The following CREB1 variants were observed in gnomAD, a reference collection of about 807,000 sequenced individuals.
CREB1 encodes cAMP responsive element binding protein 1.
CREB1 carries 2 observed loss-of-function variants against 42.0 expected under a neutral mutation model. The ratio of observed to expected loss-of-function variants is 0.05; its 90% CI spans 0.02 to 0.15. The LOEUF (loss-of-function observed/expected upper bound fraction) is 0.15. Ranked by LOEUF, CREB1 falls within the 10% of genes least tolerant of loss-of-function variation. The pLI, the probability that CREB1 is intolerant of heterozygous loss-of-function variation, is 1.00. For synonymous variants in CREB1, 123 were observed against 139.9 expected, an observed-to-expected ratio of 0.88 and a Z score of 0.85; for missense variants, 199 against 388.9, an observed-to-expected ratio of 0.51 and a Z score of 4.11.
At chr2:207,554,577 A>T (rs913484007) in intron 1 of CREB1, among the ~76,000 whole-genome samples, 1 of 152,142 alleles carries the variant, frequency 6.6e-6, no homozygotes, top group Non-Finnish European at 1.5e-5. Flanking sequence ...CAGTTACCAG[A>T]GATTTCTCTA....
chr2:207,581,899 T>A (rs1443810657), intron 7 of CREB1: 2 of 703,026 alleles, frequency 2.8e-6, no homozygotes, highest in South Asian at 3.0e-5. Flanking sequence ...AGAGTAGTGA[T>A]CTGTTTTCTT....
At chr2:207,594,023 C>G (rs143275729) in intron 7 of CREB1, among the ~76,000 whole-genome samples, 3 of 152,190 alleles carry the variant, frequency 2.0e-5, no homozygotes, top group Non-Finnish European at 4.4e-5. Flanking sequence ...ACCACACCAG[C>G]CCTCACAAAC....
chr2:207,559,411 CT>C (rs1220687079), intron 2 of CREB1, among the ~76,000 whole-genome samples: 1 of 152,152 alleles, frequency 6.6e-6, no homozygotes, highest in Non-Finnish European at 1.5e-5. Context: ...TATTGTGTCT[CT>C]TTTCCCCATT....
At chr2:207,564,435 T>C (rs2709381) in intron 3 of CREB1, among the ~76,000 whole-genome samples, 23,611 of 151,652 alleles carry the variant, frequency 0.16, 2,031 homozygotes, top group Middle Eastern at 0.2. Context: ...CTTGAGCCCA[T>C]GAGTTTGAGG....
chr2:207,572,660 C>CA lies in CREB1; in HGVS notation c.505+2345dup, dbSNP rs577838864. On this transcript the variant is annotated intron_variant, in intron 5 of 7. Coordinates refer to ENST00000353267, the MANE Select transcript of CREB1 (RefSeq NM_004379.5). Reference sequence around the variant, plus strand: ...TGAAAACCCGTCTCTACTAAAAATACAAAAAATTAGCCGAGCGAGGTGGCG... The same window carrying CA: ...TGAAAACCCGTCTCTACTAAAAATACAAAAAAATTAGCCGAGCGAGGTGGCG... 6.0e-3 allele frequency among the ~76,000 whole-genome samples: 919 copies of CA among 151,980 alleles called. 10 individuals carry two copies. The highest frequency in any genetic ancestry group is 0.021 in the African/African-American group (858 of 41,444).
intron 1 of CREB1, among the ~76,000 whole-genome samples, chr2:207,536,010 G>A (rs759104672): frequency 2.1e-4 from 32 of 151,668 alleles, no homozygotes; most frequent in Admixed American, 9.2e-4. Flanking sequence ...ACAGAGTTTC[G>A]CCATGTTGCC....
At chr2:207,537,276 G>A (rs2080913730) in intron 1 of CREB1, among the ~76,000 whole-genome samples, 3 of 151,978 alleles carry the variant, frequency 2.0e-5, no homozygotes, top group Admixed American at 6.6e-5. Flanking sequence ...TTGACCTCGT[G>A]ATCCACCCAC....
At chr2:207,573,015 TG>T (rs2082432030) in intron 5 of CREB1, among the ~76,000 whole-genome samples, 1 of 152,156 alleles carries the variant, frequency 6.6e-6, no homozygotes, top group Non-Finnish European at 1.5e-5. Context: ...AGATAGAAAA[TG>T]TGTATCTGTC....
chr2:207,567,801 T>TG lies in CREB1; in HGVS notation c.362+240dup, dbSNP rs1410217543. On this transcript the variant is annotated intron_variant, in intron 4 of 7. Transcript: ENST00000353267. The stretch of plus-strand genomic sequence containing the variant: ...CTGTTTCTGTTTCTGTAGACTGTGC[T>TG]GGCTGTCTTTCTGTTAAAAGTTTGG... 16 of 289,398 alleles carry TG rather than the reference T, an allele frequency of 5.5e-5. No individual in the cohort carries two copies. The South Asian group carries it at 1.0e-3, about 19-fold the overall frequency. 17.9% of individuals were successfully genotyped at this position (289,398 alleles called of 1,614,324 possible). A position where few individuals can be genotyped will look rare whatever the true frequency, so the allele number is the denominator to read the frequency against.
chr2:207,585,568 A>G (rs528993025), intron 7 of CREB1, among the ~76,000 whole-genome samples: 1 of 152,344 alleles, frequency 6.6e-6, no homozygotes, highest in Non-Finnish European at 1.5e-5. Flanking sequence ...ATTTTCCACT[A>G]ACAGATCTCA....
At chr2:207,536,417 TGGGGGC>T (rs2080872043) in intron 1 of CREB1, among the ~76,000 whole-genome samples, 3 of 151,616 alleles carry the variant, frequency 2.0e-5, no homozygotes, top group African/African-American at 4.8e-5. Flanking sequence ...TAGCTGGGCA[TGGGGGC>T]AGGCGCCTGC....
chr2:207,593,557 C>CT (rs2085493942), intron 7 of CREB1, among the ~76,000 whole-genome samples: 1 of 151,928 alleles, frequency 6.6e-6, no homozygotes, highest in South Asian at 2.1e-4. Context: ...GCAAATGCTA[C>CT]TTTTTTCTGA....
intron 7 of CREB1, among the ~76,000 whole-genome samples, chr2:207,594,214 TC>T (rs1449454190): frequency 6.6e-6 from 1 of 152,224 alleles, no homozygotes; most frequent in African/African-American, 2.4e-5. Flanking sequence ...TTAAATAATT[TC>T]ATTTTTAATT....
At chr2:207,558,280 C>A (rs1315902830) in intron 2 of CREB1, among the ~76,000 whole-genome samples, 1 of 152,192 alleles carries the variant, frequency 6.6e-6, no homozygotes, top group African/African-American at 2.4e-5. Context: ...AACATCTCTA[C>A]AAATTCAGAT....
intron 7 of CREB1, among the ~76,000 whole-genome samples, chr2:207,578,993 G>C (rs2082717575): frequency 6.6e-6 from 1 of 151,960 alleles, no homozygotes; most frequent in South Asian, 2.1e-4. Flanking sequence ...TCACTATTTT[G>C]GCCAGGCTGG....
intron 3 of CREB1, among the ~76,000 whole-genome samples, chr2:207,563,877 G>C (rs544901254): frequency 1.2e-4 from 18 of 152,296 alleles, no homozygotes; most frequent in African/African-American, 4.3e-4. Flanking sequence ...CCTGGAGACG[G>C]AGGTTGCGGT....
chr2:207,602,821 G>C lies in CREB1; in HGVS notation c.*5763G>C. ...GATTTATTAGGGGTGGCAAAGAAGAGTGCTAGTTAGCAGTTTTCCATGTAA... is the reference window on the plus strand; with the variant it reads ...GATTTATTAGGGGTGGCAAAGAAGACTGCTAGTTAGCAGTTTTCCATGTAA... On this transcript the variant is annotated 3_prime_UTR_variant, in exon 8 of 8. Coordinates refer to ENST00000353267, the MANE Select transcript of CREB1 (RefSeq NM_004379.5). 9.2e-6 allele frequency: 2 copies of C among 218,478 alleles called. No homozygotes were observed. Among genetic ancestry groups the C allele is most frequent in the Non-Finnish European group, 1.8e-5 (2 of 108,848 alleles). The allele number at this position is 218,478 out of a possible 1,614,324, so 13.5% of individuals were successfully genotyped here.
At chr2:207,540,580 A>T (rs2081053364) in intron 1 of CREB1, among the ~76,000 whole-genome samples, 2 of 148,160 alleles carry the variant, frequency 1.3e-5, no homozygotes, top group Admixed American at 1.4e-4. Context: ...GATTGCAGTG[A>T]GCTGATACTG....
rs887888124 is a variant in CREB1 at position 207,570,099 on chromosome 2, T to C, written c.363-80T>C. ...AAGCACTAGCAGCTTTCTGTGAGTT[T>C]TCTCATCTTTAACTATATTTGTATT... On this transcript the variant is annotated intron_variant, in intron 4 of 7. Transcript: ENST00000353267. 7.1e-6 allele frequency: 8 copies of C among 1,129,718 alleles called. No homozygotes were observed. In the South Asian group the frequency reaches 1.2e-4, roughly 17 times the overall value. The allele number at this position is 1,129,718 out of a possible 1,614,324, so 70.0% of individuals were successfully genotyped here.
Sources: gnomAD v4.1 joint callset for allele counts (sites outside exome capture counted in the v4.1 genomes callset) on GRCh38, gnomAD v4.1.1 for gene constraint, MANE v1.5 for transcripts, NCBI Gene and HGNC (gene_info 2026-07-23, HGNC 2026-07-21) for gene names.